Variants in LSAMP observed in about 807,000 individuals in gnomAD.
The protein encoded by LSAMP is limbic system-associated membrane protein.
In LSAMP, 7 loss-of-function variants were observed where a neutral mutation model predicts 38.6. The ratio of observed to expected loss-of-function variants is 0.18; its 90% CI spans 0.10 to 0.34. LSAMP has a LOEUF of 0.34. LSAMP is among the 10% of genes least tolerant of loss of function. The pLI, the probability that LSAMP is intolerant of heterozygous loss-of-function variation, is 1.00. For synonymous variants in LSAMP, 154 were observed against 166.8 expected (o/e 0.92, Z 0.59); for missense variants, 313 against 420.0 (o/e 0.75, Z 2.23).
At chr3:115,899,078 G>A (rs1936804395) in intron 3 of LSAMP, among the ~76,000 whole-genome samples, 1 of 151,918 alleles carries the variant, frequency 6.6e-6, no homozygotes, top group Admixed American at 6.6e-5. Flanking sequence ...TCATGGAAAA[G>A]GATAAAGAAG....
chr3:115,980,426 T>C (rs913357087), intron 3 of LSAMP, among the ~76,000 whole-genome samples: 9 of 151,808 alleles, frequency 5.9e-5, no homozygotes, highest in African/African-American at 2.2e-4. Context: ...ATAAGCCCTA[T>C]GGTGATCTCT....
intron 3 of LSAMP, among the ~76,000 whole-genome samples, chr3:115,939,207 A>T (rs1418307088): frequency 1.3e-5 from 2 of 152,126 alleles, no homozygotes; most frequent in Non-Finnish European, 2.9e-5. Flanking sequence ...TCGAGATGTA[A>T]TTTTTCACTG....
intron 1 of LSAMP, among the ~76,000 whole-genome samples, chr3:116,141,446 T>C (rs570997399): frequency 9.9e-5 from 15 of 152,062 alleles, no homozygotes; most frequent in East Asian, 9.7e-4. Flanking sequence ...TCTCAGACTT[T>C]TGTTTCACCT....
At chr3:115,997,249 G>C (rs1264730070) in intron 3 of LSAMP, among the ~76,000 whole-genome samples, 1 of 152,028 alleles carries the variant, frequency 6.6e-6, no homozygotes, top group Non-Finnish European at 1.5e-5. Flanking sequence ...ATATGCCCTG[G>C]TCACCCTTCT....
chr3:116,337,444 T>C (rs1402959260), intron 1 of LSAMP, among the ~76,000 whole-genome samples: 1 of 152,034 alleles, frequency 6.6e-6, no homozygotes, highest in Admixed American at 6.6e-5. Flanking sequence ...CTAGGAAAAT[T>C]ATAACAGCCA....
At chr3:116,371,262 C>T (rs1177944276) in intron 1 of LSAMP, among the ~76,000 whole-genome samples, 3 of 152,064 alleles carry the variant, frequency 2.0e-5, no homozygotes, top group Non-Finnish European at 4.4e-5. Context: ...AACTACAGAC[C>T]GATATCCCTT....
At chr3:116,009,050 C>G (rs1940248485) in intron 3 of LSAMP, among the ~76,000 whole-genome samples, 1 of 152,168 alleles carries the variant, frequency 6.6e-6, no homozygotes, top group African/African-American at 2.4e-5. Flanking sequence ...TTTCTCAAAA[C>G]TATTATTATT....
intron 1 of LSAMP, among the ~76,000 whole-genome samples, chr3:116,390,132 TACACAC>T (rs10661312): frequency 0.032 from 4,721 of 147,338 alleles, 250 homozygotes; most frequent in African/African-American, 0.11. Context: ...TATGTATGTA[TACACAC>T]ACACACACAC....
At chr3:116,367,953 G>C (rs962290404) in intron 1 of LSAMP, 8 of 152,154 alleles carry the variant, frequency 5.3e-5, no homozygotes, top group African/African-American at 1.7e-4. Flanking sequence ...TGGAATGACT[G>C]TGGCTCTGTG....
chr3:116,306,491 G>A (rs1056877104), intron 1 of LSAMP, among the ~76,000 whole-genome samples: 7 of 152,006 alleles, frequency 4.6e-5, no homozygotes, highest in Non-Finnish European at 1.0e-4. Flanking sequence ...GAATGACGGA[G>A]TGAAGAATTG....
intron 2 of LSAMP, among the ~76,000 whole-genome samples, chr3:116,070,901 G>A (rs1039233337): frequency 6.6e-6 from 1 of 151,964 alleles, no homozygotes; most frequent in Non-Finnish European, 1.5e-5. Context: ...TTAGCTGGGC[G>A]TGGTGTCACA....
At chr3:115,897,489 A>AT (rs1239344964) in intron 3 of LSAMP, among the ~76,000 whole-genome samples, 1 of 152,130 alleles carries the variant, frequency 6.6e-6, no homozygotes, top group Non-Finnish European at 1.5e-5. Context: ...GTGGTAAACC[A>AT]TAGTGTTCTA....
intron 1 of LSAMP, among the ~76,000 whole-genome samples, chr3:116,323,891 A>G (rs948687527): frequency 6.6e-6 from 1 of 152,176 alleles, no homozygotes; most frequent in African/African-American, 2.4e-5. Flanking sequence ...TGAAGATCCA[A>G]AACAATCTTC....
At chr3:116,231,077 G>A (rs766137851) in intron 1 of LSAMP, among the ~76,000 whole-genome samples, 7 of 152,102 alleles carry the variant, frequency 4.6e-5, no homozygotes, top group Non-Finnish European at 8.8e-5. Context: ...TTGTCTATGG[G>A]TCACTATAAA....
chr3:116,201,203 T>G (rs1243472060), intron 1 of LSAMP, among the ~76,000 whole-genome samples: 2 of 152,168 alleles, frequency 1.3e-5, no homozygotes, highest in East Asian at 3.9e-4. Context: ...GCTCCTAGCA[T>G]GTGCCCATGT....
chr3:115,954,645 C>G (rs1938396651), intron 3 of LSAMP, among the ~76,000 whole-genome samples: 1 of 152,170 alleles, frequency 6.6e-6, no homozygotes, highest in South Asian at 2.1e-4. Context: ...AATAAAAGGG[C>G]AATGTGTTTT....
chr3:116,404,389 C>A (rs1009479824), intron 1 of LSAMP, among the ~76,000 whole-genome samples: 2 of 152,098 alleles, frequency 1.3e-5, no homozygotes. Flanking sequence ...CAGTTAGTAC[C>A]AGACTGGCTT....
chr3:116,108,073 C>CGGGGTAA (rs1254654241), intron 1 of LSAMP, among the ~76,000 whole-genome samples: 4 of 151,758 alleles, frequency 2.6e-5, no homozygotes, highest in Admixed American at 6.6e-5. Flanking sequence ...TGGCATTGAG[C>CGGGGTAA]GGGGTAAGGG....
At chr3:115,971,734 A>G (rs1939025184) in intron 3 of LSAMP, among the ~76,000 whole-genome samples, 1 of 152,176 alleles carries the variant, frequency 6.6e-6, no homozygotes, top group Non-Finnish European at 1.5e-5. Flanking sequence ...CCTACTGTAT[A>G]CAACATTAAT....
Sources: gnomAD v4.1 joint callset for allele counts (sites outside exome capture counted in the v4.1 genomes callset) on GRCh38, gnomAD v4.1.1 for gene constraint, MANE v1.5 for transcripts, NCBI Gene and HGNC (gene_info 2026-07-23, HGNC 2026-07-21) for gene names.